KRT17: variants seen among roughly 807,000 people sequenced by gnomAD.
KRT17 encodes keratin, type I cytoskeletal 17.
Under a neutral mutation model 45.6 loss-of-function variants are expected in KRT17, and 29 were observed. The observed-to-expected ratio is 0.64, with a 90% CI of 0.47 to 0.87. KRT17 has a LOEUF of 0.87. KRT17 is among the 40% of genes least tolerant of loss of function. The probability of loss-of-function intolerance (pLI) is 0.00; values close to 1 mark genes in which losing one functional copy is unlikely to be tolerated. For missense variants in KRT17, 536 were observed against 577.8 expected (o/e 0.93, Z 0.74); for synonymous variants, 219 against 234.6 (o/e 0.93, Z 0.61).
At position 41,621,660 on chromosome 17, in the gene KRT17, AT is replaced by A; in HGVS notation, c.766del (p.Met256CysfsTer27). The A allele has an allele frequency of 6.2e-7, 1 of 1,612,162 alleles. No homozygotes were observed. Among genetic ancestry groups the A allele is most frequent in the Non-Finnish European group, 8.5e-7 (1 of 1,179,852 alleles). On this transcript the variant is annotated frameshift_variant, in exon 4 of 8. Transcript: ENST00000311208. LOFTEE classifies it high-confidence loss of function. Reference protein sequence around the residue: ...GVDLSRILNEMRDQYEKMAEK... With the variant: ...GVDLSRILNEXRDQYEKMAEK... Reference sequence around the variant, plus strand: ...TGCCATCTTCTCATACTGGTCACGCATCTCGTTGAGGATGCGGCTCAGGTCC... The same window carrying A: ...TGCCATCTTCTCATACTGGTCACGCACTCGTTGAGGATGCGGCTCAGGTCC...
Position 41,624,297 on chromosome 17 carries a change from G to T in KRT17, c.213C>A (p.Ser71Arg), listed in dbSNP as rs371521134. The T allele has an allele frequency of 3.0e-4, 485 of 1,612,104 alleles. No individual in the cohort carries two copies. Among genetic ancestry groups the T allele is most frequent in the Non-Finnish European group, 4.0e-4 (471 of 1,179,980 alleles). ...YSFGSGGGYG[S>R]SFGGVDGLLA... is the part of the protein sequence containing the mutation. ...GCAGCCCATCAACACCCCCAAAGCT[G>T]CTGCCATAGCCACCACCAGAGCCAA... The change falls in exon 1 of 8, where the codon AGC becomes AGA. Residue 71 changes from serine to arginine, a missense_variant. Transcript: ENST00000311208.
rs376512226 is a variant in KRT17, at chr17:41,621,075, C to A, written c.851G>T (p.Arg284Leu). Reference protein sequence around the residue: ...WFFSKTEELNREVATNSELVQ... With the variant: ...WFFSKTEELNLEVATNSELVQ... Reference sequence around the variant, plus strand: ...CAGCTCACTGTTGGTGGCCACCTCGCGGTTCAGTTCCTCTGTCTGCAGACA... The same window carrying A: ...CAGCTCACTGTTGGTGGCCACCTCGAGGTTCAGTTCCTCTGTCTGCAGACA... The change falls in exon 5 of 8, where the codon CGC (arginine) becomes CTC (leucine). Residue 284 changes from arginine to leucine, a missense_variant. Arg to Leu is a moderately radical substitution (Grantham distance 102). Transcript: ENST00000311208. 32 of 1,613,850 alleles carry A rather than the reference C, an allele frequency of 2.0e-5. No homozygotes were observed. Among genetic ancestry groups the A allele is most frequent in the African/African-American group, 1.6e-4 (12 of 74,930 alleles).
chr17:41,623,613 C>T (rs1244596879), intron 1 of KRT17, among the ~76,000 whole-genome samples: 3 of 152,154 alleles, frequency 2.0e-5, no homozygotes, highest in Non-Finnish European at 4.4e-5. Context: ...GAGGCCTTCC[C>T]CACACTGAGG....
chr17:41,620,573 AAAAC>A lies in KRT17; in HGVS notation c.1182-19_1182-16del, dbSNP rs1252744742. Reference sequence around the variant, plus strand: ...ACTGAGTCAGGCTGAAAGAAAAAAAAAAACAGAGAGGAAATTAGATGTGGGTCTG... The same window carrying A: ...ACTGAGTCAGGCTGAAAGAAAAAAAAAGAGAGGAAATTAGATGTGGGTCTG... On this transcript the variant is annotated splice_polypyrimidine_tract_variant and intron_variant, in intron 6 of 7. Transcript: ENST00000311208. The A allele has an allele frequency of 3.1e-6, 5 of 1,611,394 alleles. No homozygotes were observed. Among genetic ancestry groups the A allele is most frequent in the Admixed American group, 1.7e-5 (1 of 59,976 alleles).
In KRT17 at chr17:41,622,376, G is replaced by A; in HGVS notation, c.651C>T (p.Tyr217=). ...QIENLKEELA[Y]LKKNHEEEMN... is the part of the protein sequence containing the mutation. ...TCACCTCCTCGTGGTTCTTCTTCAG[G>A]TAGGCCAGCTCCTCCTTGAGGTTCT... is the stretch of plus-strand genomic sequence containing the variant. Residue 217 remains tyrosine (Y), a synonymous_variant, in exon 3 of 8, where the codon TAC becomes TAT. Coordinates refer to ENST00000311208, the MANE Select transcript of KRT17 (RefSeq NM_000422.3). 6.2e-7 allele frequency: 1 copy of A among 1,613,692 alleles called. No individual in the cohort carries two copies. Among genetic ancestry groups the A allele is most frequent in the Non-Finnish European group, 8.5e-7 (1 of 1,180,032 alleles).
rs753333768 is a variant in KRT17 at position 41,624,204 on chromosome 17, C to A, written c.306G>T (p.Val102=). ...CAGTGTTGGCCTCCTCCAGGGCACG[C>A]ACCTTGTCCAGGTAGGAGGCCAGGC... ...NDRLASYLDK[V]RALEEANTEL... The change falls in exon 1 of 8, where the codon GTG becomes GTT. Residue 102 remains valine (V), a synonymous_variant. Coordinates refer to ENST00000311208, the MANE Select transcript of KRT17 (RefSeq NM_000422.3). The A allele has an allele frequency of 2.5e-6, 4 of 1,612,622 alleles. No individual in the cohort carries two copies. Among genetic ancestry groups the A allele is most frequent in the Non-Finnish European group, 1.7e-6 (2 of 1,180,028 alleles).
Position 41,621,683 on chromosome 17 carries a change from G to T in KRT17, c.744C>A (p.Asp248Glu). Residue 248 changes from aspartate (D) to glutamate (E), a missense_variant, in exon 4 of 8, where the codon GAC becomes GAA. Physicochemically the swap from Asp to Glu is conservative, Grantham distance 45 (BLOSUM62 2). Transcript: ENST00000311208. ...NVEMDAAPGV[D>E]LSRILNEMRD... The stretch of plus-strand genomic sequence containing the variant: ...GCATCTCGTTGAGGATGCGGCTCAG[G>T]TCCACGCCTGGGGCAGCGTCCATCT... 1 of 1,612,240 alleles carries T rather than the reference G, an allele frequency of 6.2e-7. No homozygotes were observed.
chr17:41,622,121 C>T (rs898704708), intron 3 of KRT17: 8 of 623,414 alleles, frequency 1.3e-5, no homozygotes, highest in Admixed American at 2.9e-5. Flanking sequence ...TAGAGGGAGC[C>T]TCTGCAGGCC....
Position 41,624,397 on chromosome 17 carries a change from C to T in KRT17, c.113G>A (p.Gly38Asp). The T allele has an allele frequency of 6.2e-7, 1 of 1,610,526 alleles. No homozygotes were observed. ...SCRLSGGLGA[G>D]SCRLGSAGGL... The stretch of plus-strand genomic sequence containing the variant: ...GCCAGCAGATCCCAGCCTGCAGGAG[C>T]CGGCACCCAGGCCGCCAGACAGCCG... The change falls in exon 1 of 8, where the codon GGC becomes GAC. Residue 38 changes from glycine to aspartate, a missense_variant. Coordinates refer to ENST00000311208, the MANE Select transcript of KRT17 (RefSeq NM_000422.3).
rs368662815 is a variant in KRT17 at position 41,624,409 on chromosome 17, C to A, written c.101G>T (p.Gly34Val). ...CAGCCTGCAGGAGCCGGCACCCAGG[C>A]CGCCAGACAGCCGGCAGGAGGTGCG... ...SSRTSCRLSG[G>V]LGAGSCRLGS... is the part of the protein sequence containing the mutation. Residue 34 changes from glycine (G) to valine (V), a missense_variant, in exon 1 of 8, where the codon GGC becomes GTC. Gly to Val is a moderately radical substitution (Grantham distance 109, BLOSUM62 -3). Coordinates refer to ENST00000311208, the MANE Select transcript of KRT17 (RefSeq NM_000422.3). 6.2e-7 allele frequency: 1 copy of A among 1,610,374 alleles called. No individual in the cohort carries two copies. The highest frequency in any genetic ancestry group is 2.2e-5 in the East Asian group (1 of 44,864).
chr17:41,620,106 G>T (rs1156889996), intron 7 of KRT17: 1 of 985,174 alleles, frequency 1.0e-6, no homozygotes, highest in East Asian at 1.1e-4. Flanking sequence ...CCTAAGGCTA[G>T]GATCATATAT....
In KRT17 at chr17:41,624,321, A is replaced by T. The variant is rs1421493202; in HGVS notation, c.189T>A (p.Phe63Leu). The change falls in exon 1 of 8, where the codon TTT (phenylalanine) becomes TTA (leucine). Residue 63 changes from phenylalanine to leucine, a missense_variant. Phe to Leu is a conservative substitution (Grantham distance 22). Transcript: ENST00000311208. ...TGCTGCCATAGCCACCACCAGAGCC[A>T]AAGCTGTAGCAGCTGGAGTAGCTGC... is the stretch of plus-strand genomic sequence containing the variant. ...GGSSYSSCYS[F>L]GSGGGYGSSF... 6.2e-7 allele frequency: 1 copy of T among 1,611,978 alleles called. No homozygotes were observed. Among genetic ancestry groups the T allele is most frequent in the African/African-American group, 1.3e-5 (1 of 74,868 alleles).
rs1908640933 is a variant in KRT17 at position 41,624,127 on chromosome 17, G to A, written c.383C>T (p.Ala128Val). Residue 128 changes from alanine (A) to valine (V), a missense_variant, in exon 1 of 8, where the codon GCC (alanine) becomes GTC (valine). Physicochemically the swap from Ala to Val is moderately conservative, Grantham distance 64. Transcript: ENST00000311208. ...DWYQRQAPGP[A>V]RDYSQYYRTI... The stretch of plus-strand genomic sequence containing the variant: ...CCTGTAGTACTGGCTGTAGTCACGG[G>A]CGGGCCCCGGGGCCTGCCTCTGGTA... The A allele has an allele frequency of 1.2e-6, 2 of 1,612,118 alleles. No individual in the cohort carries two copies. The highest frequency in any genetic ancestry group is 1.7e-6 in the Non-Finnish European group (2 of 1,179,936).
At chr17:41,623,364 G>T (rs1317297972) in intron 1 of KRT17, 2 of 340,066 alleles carry the variant, frequency 5.9e-6, no homozygotes, top group Non-Finnish European at 1.1e-5. Context: ...ACAAGGGAGG[G>T]GATGTGGGCA....
chr17:41,624,422 G>T lies in KRT17; in HGVS notation c.88C>A (p.Arg30=), dbSNP rs747613789. The T allele has an allele frequency of 1.9e-6, 3 of 1,610,304 alleles. No individual in the cohort carries two copies. Among genetic ancestry groups the T allele is most frequent in the East Asian group, 4.5e-5 (2 of 44,866 alleles). The stretch of plus-strand genomic sequence containing the variant: ...CCGGCACCCAGGCCGCCAGACAGCC[G>T]GCAGGAGGTGCGGGACGAGCCGCCC... ...LGGGSSRTSC[R]LSGGLGAGSC... is the part of the protein sequence containing the mutation. The change falls in exon 1 of 8, where the codon CGG becomes AGG. Residue 30 remains arginine (R), a synonymous_variant. Coordinates refer to ENST00000311208, the MANE Select transcript of KRT17 (RefSeq NM_000422.3).
In KRT17 at chr17:41,624,559, G is replaced by C; in HGVS notation, c.-50C>G. ...CACAGGAGAAGGGCTGGAGAGGAGAGGGGCCCCAAGTTGTGTAGGGCTGCC... is the reference window on the plus strand; with the variant it reads ...CACAGGAGAAGGGCTGGAGAGGAGACGGGCCCCAAGTTGTGTAGGGCTGCC... On this transcript the variant is annotated 5_prime_UTR_variant, in exon 1 of 8. Coordinates refer to ENST00000311208, the MANE Select transcript of KRT17 (RefSeq NM_000422.3). The C allele has an allele frequency of 6.4e-7, 1 of 1,567,254 alleles. No homozygotes were observed. Among genetic ancestry groups the C allele is most frequent in the Non-Finnish European group, 8.7e-7 (1 of 1,146,180 alleles).
At position 41,621,216 on chromosome 17, in the gene KRT17, A is replaced by G. The variant is rs1375794459; in HGVS notation, c.835-125T>C. ...CAGCTTCCCACATCCCAAAGCCCAG[A>G]AACATGCCATTTGAAATGTTAACTT... is the stretch of plus-strand genomic sequence containing the variant. On this transcript the variant is annotated intron_variant, in intron 4 of 7. Coordinates refer to ENST00000311208, the MANE Select transcript of KRT17 (RefSeq NM_000422.3). The G allele has an allele frequency of 8.8e-6, 11 of 1,243,112 alleles. No homozygotes were observed. In the African/African-American group the frequency reaches 1.5e-4, roughly 17 times the overall value. 77.0% of individuals were successfully genotyped at this position (1,243,112 alleles called of 1,614,324 possible). A position where few individuals can be genotyped will look rare whatever the true frequency, so the allele number is the denominator to read the frequency against.
At position 41,620,779 on chromosome 17, in the gene KRT17, G is replaced by T; in HGVS notation, c.1061C>A (p.Ala354Asp). 1 of 1,612,864 alleles carries T rather than the reference G, an allele frequency of 6.2e-7. No homozygotes were observed. Among genetic ancestry groups the T allele is most frequent in the Non-Finnish European group, 8.5e-7 (1 of 1,179,876 alleles). ...CTGCTCCATCTCGCAGCGAAGCTGG[G>T]CCAGCTGCTCCTCCACGCTGCCAAT... is the stretch of plus-strand genomic sequence containing the variant. ...GLIGSVEEQL[A>D]QLRCEMEQQN... Residue 354 changes from alanine (A) to aspartate (D), a missense_variant, in exon 6 of 8, where the codon GCC (alanine) becomes GAC (aspartate). Ala to Asp is a moderately radical substitution (Grantham distance 126, BLOSUM62 -2). Transcript: ENST00000311208.
intron 3 of KRT17, 173 bp from the exon 4 acceptor site, chr17:41,621,927 C>T (rs1170587749): frequency 1.4e-6 from 1 of 706,088 alleles, no homozygotes; most frequent in Non-Finnish European, 2.5e-6. Flanking sequence ...TTGCCTCCAC[C>T]ATCAGACTCT....
Sources: allele counts gnomAD v4.1 joint callset (sites outside exome capture counted in the v4.1 genomes callset), GRCh38; gene constraint gnomAD v4.1.1; transcripts MANE v1.5; gene names NCBI Gene and HGNC (gene_info 2026-07-23, HGNC 2026-07-21).